LRRC8D: variants seen among roughly 807,000 people sequenced by gnomAD.
LRRC8D encodes the protein volume-regulated anion channel subunit LRRC8D.
Under a neutral mutation model 55.8 loss-of-function variants are expected in LRRC8D, and 20 were observed. The observed-to-expected ratio is 0.36, with a 90% CI of 0.25 to 0.52. LRRC8D has a LOEUF of 0.52. LRRC8D is among the 20% of genes least tolerant of loss of function. LRRC8D has a pLI of 0.93. For synonymous variants in LRRC8D, 352 were observed against 377.0 expected (o/e 0.93, Z 0.77); for missense variants, 651 against 1,030.8 (o/e 0.63, Z 5.05).
intron 1 of LRRC8D, among the ~76,000 whole-genome samples, chr1:89,827,999 T>G (rs1444736898): frequency 1.3e-5 from 2 of 152,236 alleles, no homozygotes; most frequent in Non-Finnish European, 2.9e-5. Context: ...TCAGAATCTC[T>G]GGATATGGAG....
intron 2 of LRRC8D, among the ~76,000 whole-genome samples, chr1:89,922,305 T>A (rs1663444585): frequency 6.6e-6 from 1 of 152,128 alleles, no homozygotes; most frequent in African/African-American, 2.4e-5. Context: ...CCTCAGGTGA[T>A]CCACCTGCCT....
At chr1:89,895,845 T>C (rs977393854) in intron 2 of LRRC8D, among the ~76,000 whole-genome samples, 1 of 152,226 alleles carries the variant, frequency 6.6e-6, no homozygotes, top group Non-Finnish European at 1.5e-5. Flanking sequence ...CAGGATAGAA[T>C]GTCTCTGAGT....
intron 2 of LRRC8D, among the ~76,000 whole-genome samples, chr1:89,899,636 C>G (rs1662799988): frequency 6.6e-6 from 1 of 152,214 alleles, no homozygotes; most frequent in African/African-American, 2.4e-5. Context: ...AAATTTTGTG[C>G]ATCTGTTCTT....
intron 2 of LRRC8D, among the ~76,000 whole-genome samples, chr1:89,863,495 T>C (rs78091809): frequency 0.017 from 2,655 of 152,302 alleles, 39 homozygotes; most frequent in Non-Finnish European, 0.026. Context: ...AATAAACTTA[T>C]GTCCCTCACT....
chr1:89,929,691 A>G (rs1487662067), intron 2 of LRRC8D: 1 of 152,240 alleles, frequency 6.6e-6, no homozygotes, highest in African/African-American at 2.4e-5. Context: ...TAAATATCAG[A>G]GTGTACTTAC....
chr1:89,869,124 C>G (rs573258688), intron 2 of LRRC8D, among the ~76,000 whole-genome samples: 3 of 152,212 alleles, frequency 2.0e-5, no homozygotes, highest in Admixed American at 2.0e-4. Context: ...CCAGGCTGGT[C>G]TCGAGCTCCT....
chr1:89,892,562 A>G (rs1662606239), intron 2 of LRRC8D, among the ~76,000 whole-genome samples: 1 of 151,680 alleles, frequency 6.6e-6, no homozygotes, highest in African/African-American at 2.4e-5. Flanking sequence ...TCTGTCGCCC[A>G]GGCTGGAGTG....
At chr1:89,931,531 T>TGGGCAG (rs1663705481) in intron 2 of LRRC8D, among the ~76,000 whole-genome samples, 1 of 151,950 alleles carries the variant, frequency 6.6e-6, no homozygotes. Flanking sequence ...GAGGCCAAGG[T>TGGGCAG]GGGCAGATCA....
At chr1:89,869,805 A>G (rs182389387) in intron 2 of LRRC8D, among the ~76,000 whole-genome samples, 103 of 152,334 alleles carry the variant, frequency 6.8e-4, no homozygotes, top group African/African-American at 2.2e-3. Flanking sequence ...CCAATATTCA[A>G]CATTCTTAAA....
intron 1 of LRRC8D, among the ~76,000 whole-genome samples, chr1:89,830,397 A>G (rs1660859157): frequency 6.6e-6 from 1 of 152,198 alleles, no homozygotes; most frequent in South Asian, 2.1e-4. Flanking sequence ...CTCTCTTAAG[A>G]TATTTTTCAA....
chr1:89,868,176 C>A (rs1661900008), intron 2 of LRRC8D, among the ~76,000 whole-genome samples: 1 of 152,104 alleles, frequency 6.6e-6, no homozygotes, highest in African/African-American at 2.4e-5. Context: ...AATACATAAG[C>A]CATCTATACA....
At chr1:89,825,276 A>G (rs1660737320) in intron 1 of LRRC8D, among the ~76,000 whole-genome samples, 1 of 152,134 alleles carries the variant, frequency 6.6e-6, no homozygotes, top group African/African-American at 2.4e-5. Context: ...ATTAGCCCTT[A>G]TTTTGGGGGC....
chr1:89,906,365 G>T (rs190492933), intron 2 of LRRC8D, among the ~76,000 whole-genome samples: 1 of 152,152 alleles, frequency 6.6e-6, no homozygotes, highest in Non-Finnish European at 1.5e-5. Flanking sequence ...CTGTAGAGCC[G>T]CTATCATCAC....
At chr1:89,874,934 T>C (rs776755581) in intron 2 of LRRC8D, among the ~76,000 whole-genome samples, 4 of 152,190 alleles carry the variant, frequency 2.6e-5, no homozygotes, top group Non-Finnish European at 5.9e-5. Context: ...GTAGTTCCTA[T>C]ACAGTGGGAA....
rs1002580428 is a variant in LRRC8D at position 89,835,188 on chromosome 1, G to C, written c.-147-8450G>C. Among the ~76,000 whole-genome samples, 12 of 152,302 alleles carry C rather than the reference G, an allele frequency of 7.9e-5. 1 individual carries two copies. The South Asian group carries it at 2.5e-3, about 32-fold the overall frequency. On this transcript the variant is annotated intron_variant, in intron 1 of 2. Transcript: ENST00000337338. ...CATCTTGGGTAGGGCCTGGGAAAGTGTGTTTTGAAGGCTCTGCAGGTGGTT... is the reference window on the plus strand; with the variant it reads ...CATCTTGGGTAGGGCCTGGGAAAGTCTGTTTTGAAGGCTCTGCAGGTGGTT...
intron 1 of LRRC8D, chr1:89,843,334 T>G: frequency 4.4e-6 from 1 of 224,962 alleles, no homozygotes. Context: ...TCTAGGTACT[T>G]GTGGGGAGGG....
At position 89,858,058 on chromosome 1, in the gene LRRC8D, G is replaced by C. The variant is rs1303723523; in HGVS notation, c.-3+14276G>C. ...AGCCTGGCCAACATGGTGAAACCCC[G>C]TCTCTACTAAAAATACAAAAATTAG... On this transcript the variant is annotated intron_variant, in intron 2 of 2. Transcript: ENST00000337338. 3.9e-5 allele frequency among the ~76,000 whole-genome samples: 6 copies of C among 152,006 alleles called. No homozygotes were observed. In the East Asian group the frequency reaches 1.2e-3, roughly 29 times the overall value.
intron 2 of LRRC8D, among the ~76,000 whole-genome samples, chr1:89,853,203 A>G (rs1661465651): frequency 6.6e-6 from 1 of 152,194 alleles, no homozygotes; most frequent in African/African-American, 2.4e-5. Context: ...AGAGGAAGGA[A>G]AAAGATGATT....
intron 2 of LRRC8D, among the ~76,000 whole-genome samples, chr1:89,900,526 C>G (rs114253097): frequency 6.7e-6 from 1 of 150,126 alleles, no homozygotes; most frequent in East Asian, 1.9e-4. Context: ...AAAAAAAAAA[C>G]TGACTAAAAA....
Sources: gnomAD v4.1 joint callset for allele counts (sites outside exome capture counted in the v4.1 genomes callset) on GRCh38, gnomAD v4.1.1 for gene constraint, MANE v1.5 for transcripts, NCBI Gene and HGNC (gene_info 2026-07-23, HGNC 2026-07-21) for gene names.